FDCSP: variants seen among roughly 807,000 people sequenced by gnomAD.
The protein encoded by FDCSP is follicular dendritic cell secreted peptide.
A neutral mutation model predicts 8.9 loss-of-function variants in FDCSP; 8 were observed. That is an observed-to-expected ratio of 0.90 (90% CI 0.53 to 1.63). The LOEUF (loss-of-function observed/expected upper bound fraction) is 1.63. Among genes scored for constraint, FDCSP ranks in the 40% most tolerant of loss-of-function variants. FDCSP has a pLI of 0.00. For missense variants in FDCSP, 101 were observed against 103.6 expected, an observed-to-expected ratio of 0.98 and a Z score of 0.11; for synonymous variants, 34 against 34.5, an observed-to-expected ratio of 0.98 and a Z score of 0.06.
intron 3 of FDCSP, 130 bp from the exon 4 acceptor site, chr4:70,233,890 G>C (rs973120776): frequency 2.5e-6 from 2 of 788,904 alleles, no homozygotes; most frequent in Non-Finnish European, 4.0e-6. Context: ...CACACAGAAA[G>C]GATAAAGGAT....
rs558966603 is a variant in FDCSP at position 70,231,487 on chromosome 4, A to T, written c.57+236A>T. On this transcript the variant is annotated intron_variant, in intron 2 of 4. Transcript: ENST00000317987. ...TAGCAATCCCCTCTCTATAAAAAAA[A>T]ATATATATATAATGAACCTAATGAC... Among the ~76,000 whole-genome samples the T allele has an allele frequency of 1.2e-3, 182 of 151,642 alleles. 1 individual carries two copies. Among genetic ancestry groups the T allele is most frequent in the Admixed American group, 3.9e-4 (6 of 15,190 alleles).
chr4:70,227,621 C>T (rs1014155553), intron 1 of FDCSP, among the ~76,000 whole-genome samples: 1 of 150,892 alleles, frequency 6.6e-6, no homozygotes. Context: ...AACAATGTAA[C>T]AGTGAGCTTA....
At position 70,234,081 on chromosome 4, in the gene FDCSP, G is replaced by A. The variant is rs201136432; in HGVS notation, c.152G>A (p.Arg51His). 6.5e-4 allele frequency: 1,039 copies of A among 1,610,766 alleles called. 16 individuals carry two copies. The South Asian group carries it at 0.01, about 16-fold the overall frequency. ...FFVFPYPYPFRPLPPIPFPRF... is the reference protein window; with the variant it reads ...FFVFPYPYPFHPLPPIPFPRF... ...GTGTTCCCTTACCCATATCCATTTC[G>A]CCCACTTCCACCAATTCCATTTCCA... Residue 51 changes from arginine to histidine, a missense_variant, in exon 4 of 5, where the codon CGC becomes CAC. Physicochemically the swap from Arg to His is conservative, Grantham distance 29 (BLOSUM62 0). Transcript: ENST00000317987.
chr4:70,234,873 C>T (rs1730150146), intron 4 of FDCSP, among the ~76,000 whole-genome samples: 1 of 150,648 alleles, frequency 6.6e-6, no homozygotes, highest in Non-Finnish European at 1.5e-5. Context: ...TAAATTAGAA[C>T]CCAGAGGACT....
chr4:70,234,031 C>A lies in FDCSP; in HGVS notation c.102C>A (p.Ser34Arg), dbSNP rs766366241. 6 of 1,603,936 alleles carry A rather than the reference C, an allele frequency of 3.7e-6. No individual in the cohort carries two copies. Among genetic ancestry groups the A allele is most frequent in the Admixed American group, 3.4e-5 (2 of 58,862 alleles). The part of the protein sequence containing the change: ...QEREKRSISD[S>R]DELASGFFVF... The stretch of plus-strand genomic sequence containing the variant: ...CTTTCTTTCAACAGATCAGTGACAG[C>A]GATGAATTAGCTTCAGGGTTTTTTG... The change falls in exon 4 of 5, where the codon AGC becomes AGA. Residue 34 changes from serine to arginine, a missense_variant. Transcript: ENST00000317987.
Position 70,234,217 on chromosome 4 carries a change from T to G in FDCSP, c.*28+2T>G. The G allele has an allele frequency of 1.3e-6, 2 of 1,586,878 alleles. No homozygotes were observed. Among genetic ancestry groups the G allele is most frequent in the Non-Finnish European group, 1.7e-6 (2 of 1,163,620 alleles). ...GAAGGAAAAGTCACGATAAACCTGG[T>G]AAGTACACATAGTTACAATCATAGT... On this transcript the variant is annotated splice_donor_variant, in intron 4 of 4. Coordinates refer to ENST00000317987, the MANE Select transcript of FDCSP (RefSeq NM_152997.4). LOFTEE classifies it low-confidence loss of function (3UTR_SPLICE).
intron 1 of FDCSP, 33 bp from the exon 2 acceptor site, chr4:70,231,162 T>G: frequency 6.5e-7 from 1 of 1,548,746 alleles, no homozygotes; most frequent in Non-Finnish European, 8.8e-7. Context: ...AAAATGAAAG[T>G]TCTTCTTATT....
rs982290042 is a variant in FDCSP at position 70,232,919 on chromosome 4, G to A, written c.58-75G>A. On this transcript the variant is annotated intron_variant, in intron 2 of 4. Coordinates refer to ENST00000317987, the MANE Select transcript of FDCSP (RefSeq NM_152997.4). Reference sequence around the variant, plus strand: ...ATGAAACAATATTAGGTAATAGATTGTCATGCATATGTATATATTTATTTG... The same window carrying A: ...ATGAAACAATATTAGGTAATAGATTATCATGCATATGTATATATTTATTTG... 2.8e-5 allele frequency: 32 copies of A among 1,162,316 alleles called. No homozygotes were observed. The African/African-American group carries it at 4.6e-4, about 17-fold the overall frequency. The allele number at this position is 1,162,316 out of a possible 1,614,324, so 72.0% of individuals were successfully genotyped here. A position where few individuals can be genotyped will look rare whatever the true frequency, so the allele number is the denominator to read the frequency against.
At position 70,231,191 on chromosome 4, in the gene FDCSP, G is replaced by A. The variant is rs1730076813; in HGVS notation, c.1-4G>A. On this transcript the variant is annotated splice_polypyrimidine_tract_variant and splice_region_variant and intron_variant, in intron 1 of 4. Transcript: ENST00000317987. The stretch of plus-strand genomic sequence containing the variant: ...TCTTATTTTTTATTTACTCCATTTT[G>A]CAGATGAAGAAAGTTCTCCTCCTGA... 6.3e-7 allele frequency: 1 copy of A among 1,590,508 alleles called. No individual in the cohort carries two copies. The highest frequency in any genetic ancestry group is 8.6e-7 in the Non-Finnish European group (1 of 1,167,784).
At chr4:70,227,395 A>G (rs566103082) in intron 1 of FDCSP, among the ~76,000 whole-genome samples, 2 of 151,756 alleles carry the variant, frequency 1.3e-5, no homozygotes, top group Non-Finnish European at 2.9e-5. Flanking sequence ...GTATCAGAAA[A>G]TAAAGGCAGA....
At chr4:70,233,791 A>ACTTGC (rs1730127476) in intron 3 of FDCSP, among the ~76,000 whole-genome samples, 1 of 151,464 alleles carries the variant, frequency 6.6e-6, no homozygotes, top group South Asian at 2.1e-4. Flanking sequence ...TGCCAGAAAA[A>ACTTGC]CTTGCCTTTA....
At position 70,232,609 on chromosome 4, in the gene FDCSP, G is replaced by T. The variant is rs73824557; in HGVS notation, c.58-385G>T. ...TAGGCAATGCATGACTCTATATTTT[G>T]TCTTGATTCATGAATCTTAAGGGTT... On this transcript the variant is annotated intron_variant, in intron 2 of 4. Transcript: ENST00000317987. Among the ~76,000 whole-genome samples the T allele has an allele frequency of 5.8e-3, 874 of 151,530 alleles. 14 individuals are homozygous for T. The highest frequency in any genetic ancestry group is 0.02 in the African/African-American group (820 of 41,416).
chr4:70,233,081 A>G, intron 3 of FDCSP, 55 bp downstream of exon 3: 1 of 1,429,106 alleles, frequency 7.0e-7, no homozygotes, highest in Non-Finnish European at 9.7e-7. Context: ...AATATTCATA[A>G]CTATTGTTAA....
intron 3 of FDCSP, 28 bp downstream of exon 3, chr4:70,233,054 G>A: frequency 6.4e-7 from 1 of 1,572,232 alleles, no homozygotes; most frequent in Non-Finnish European, 8.7e-7. Flanking sequence ...TTTTTTACAT[G>A]TAAGTTTTAC....
chr4:70,232,059 G>C (rs1047790648), intron 2 of FDCSP, among the ~76,000 whole-genome samples: 1 of 151,762 alleles, frequency 6.6e-6, no homozygotes, highest in Non-Finnish European at 1.5e-5. Flanking sequence ...TATTACAAAA[G>C]AGTTAAAGTA....
Position 70,233,986 on chromosome 4 carries a change from T to C in FDCSP, c.91-34T>C, listed in dbSNP as rs1052467492. On this transcript the variant is annotated intron_variant, in intron 3 of 4. Transcript: ENST00000317987. ...TTTTATTTCTCTTCTTTGTAAAAAG[T>C]GAAATAAACCCTTTAACTTCTTTCT... 5.2e-6 allele frequency: 8 copies of C among 1,540,912 alleles called. No homozygotes were observed. In the African/African-American group the frequency reaches 9.8e-5, roughly 19 times the overall value.
At position 70,234,478 on chromosome 4, in the gene FDCSP, G is replaced by C. The variant is rs114529413; in HGVS notation, c.*28+263G>C. Among the ~76,000 whole-genome samples the C allele has an allele frequency of 3.4e-4, 52 of 151,506 alleles. 1 individual carries two copies. The highest frequency in any genetic ancestry group is 1.0e-3 in the South Asian group (5 of 4,806). On this transcript the variant is annotated intron_variant, in intron 4 of 4. Transcript: ENST00000317987. Reference sequence around the variant, plus strand: ...ACAATTTCAATTTTATTAAAATATTGTTTACAAAGTATTTGTAACTCTTTA... The same window carrying C: ...ACAATTTCAATTTTATTAAAATATTCTTTACAAAGTATTTGTAACTCTTTA...
chr4:70,234,320 C>T (rs116328393), intron 4 of FDCSP, 105 bp downstream of exon 4: 5 of 908,604 alleles, frequency 5.5e-6, no homozygotes, highest in Non-Finnish European at 8.1e-6. Context: ...TGGCCCCTTT[C>T]AGTTTCTGTT....
chr4:70,234,436 G>A (rs1004366423), intron 4 of FDCSP, among the ~76,000 whole-genome samples: 4 of 151,444 alleles, frequency 2.6e-5, no homozygotes, highest in Non-Finnish European at 5.9e-5. Context: ...TCCCTCCTTG[G>A]TTGTGATGTA....
Sources: allele counts gnomAD v4.1 joint callset (sites outside exome capture counted in the v4.1 genomes callset), GRCh38; gene constraint gnomAD v4.1.1; transcripts MANE v1.5; gene names NCBI Gene and HGNC (gene_info 2026-07-23, HGNC 2026-07-21).